GAS6: variants seen among roughly 807,000 people sequenced by gnomAD.
The protein encoded by GAS6 is growth arrest-specific protein 6.
In GAS6, 41 loss-of-function variants were observed where a neutral mutation model predicts 75.8. The ratio of observed to expected loss-of-function variants is 0.54; its 90% confidence interval spans 0.42 to 0.70. The LOEUF is 0.70. Among genes scored for constraint, GAS6 ranks in the 30% least tolerant of loss-of-function variants. The pLI is 0.00. For synonymous variants in GAS6, 432 were observed against 412.6 expected, an observed-to-expected ratio of 1.05 and a Z score of -0.57; for missense variants, 854 against 940.2, an observed-to-expected ratio of 0.91 and a Z score of 1.20.
rs2051490202 is a variant in GAS6, at chr13:113,823,564, G to A, written c.1478-14C>T. ...GAGGGGTCCGCACTGCAATGAAAGC[G>A]GTGCATTATAGGGTGGTATGCACGG... On this transcript the variant is annotated splice_polypyrimidine_tract_variant and intron_variant, in intron 12 of 14. Transcript: ENST00000327773. The A allele has an allele frequency of 4.4e-6, 7 of 1,604,032 alleles. No individual in the cohort carries two copies. The highest frequency in any genetic ancestry group is 2.7e-5 in the African/African-American group (2 of 74,792).
chr13:113,827,282 G>C, intron 11 of GAS6, 118 bp from the exon 12 acceptor site: 1 of 985,868 alleles, frequency 1.0e-6, no homozygotes, highest in Non-Finnish European at 1.5e-6. Flanking sequence ...GGCAGAAACG[G>C]GCCAGTCCCA....
At chr13:113,836,881 GA>G (rs1260254757) in intron 6 of GAS6, among the ~76,000 whole-genome samples, 1 of 115,498 alleles carries the variant, frequency 8.7e-6, no homozygotes, top group Non-Finnish European at 1.9e-5. Flanking sequence ...GGGAGAGGAG[GA>G]GGGGGAGTGG....
At chr13:113,855,260 CAAG>C (rs1411584988) in intron 2 of GAS6, among the ~76,000 whole-genome samples, 1 of 152,144 alleles carries the variant, frequency 6.6e-6, no homozygotes. Context: ...TCAATCCCCC[CAAG>C]AAGATGTGCT....
At chr13:113,834,293 C>T (rs1292625713) in intron 8 of GAS6, among the ~76,000 whole-genome samples, 1 of 152,166 alleles carries the variant, frequency 6.6e-6, no homozygotes, top group African/African-American at 2.4e-5. Flanking sequence ...GGGGACCGTG[C>T]CCCCGTGAGT....
chr13:113,855,764 G>A (rs968509243), intron 2 of GAS6, among the ~76,000 whole-genome samples: 1 of 152,186 alleles, frequency 6.6e-6, no homozygotes, highest in Middle Eastern at 3.2e-3. Context: ...ACCACCAATA[G>A]TCGCCAAGAG....
At position 113,832,634 on chromosome 13, in the gene GAS6, C is replaced by T; in HGVS notation, c.953G>A (p.Arg318Lys). 2 of 1,612,756 alleles carry T rather than the reference C, an allele frequency of 1.2e-6. No individual in the cohort carries two copies. The highest frequency in any genetic ancestry group is 1.7e-6 in the Non-Finnish European group (2 of 1,179,958). ...RLRFKRLQPTRLVAEFDFRTF... is the reference protein window; with the variant it reads ...RLRFKRLQPTKLVAEFDFRTF... ...TTGCCTCCTGTGGACACCTCCTCAC[C>T]TGGTGGGCTGCAGCCTCTTGAAGCG... Residue 318 changes from arginine (R) to lysine (K), a missense_variant and splice_region_variant, in exon 9 of 15, where the codon AGG (arginine) becomes AAG (lysine). Coordinates refer to ENST00000327773, the MANE Select transcript of GAS6 (RefSeq NM_000820.4).
chr13:113,848,010 A>G lies in GAS6; in HGVS notation c.280+16T>C, dbSNP rs1397169987. ...GCCTCTACGACAACCAGAGTAGAGAAGTAATTGAGACTTACCTAAGTATCT... is the reference window on the plus strand; with the variant it reads ...GCCTCTACGACAACCAGAGTAGAGAGGTAATTGAGACTTACCTAAGTATCT... On this transcript the variant is annotated intron_variant, in intron 3 of 14. Transcript: ENST00000327773. This position sits in a 1 kb window ranked among gnomAD's most constrained non-coding sequence, Gnocchi z 4.8. The G allele has an allele frequency of 6.2e-7, 1 of 1,610,890 alleles. No individual in the cohort carries two copies. Among genetic ancestry groups the G allele is most frequent in the Non-Finnish European group, 8.5e-7 (1 of 1,177,978 alleles).
At chr13:113,838,306 G>A (rs1156721308) in intron 5 of GAS6, 115 bp from the exon 6 acceptor site, 1 of 1,291,794 alleles carries the variant, frequency 7.7e-7, no homozygotes, top group Non-Finnish European at 1.1e-6. Flanking sequence ...GAGCCCAGAG[G>A]TGCACAGCCC....
intron 4 of GAS6, chr13:113,842,445 C>T (rs1036296502): frequency 1.2e-4 from 46 of 395,300 alleles, no homozygotes; most frequent in East Asian, 2.1e-4. Context: ...TCAGCACAGC[C>T]GCCAGGAGCC....
At chr13:113,824,937 A>T (rs1479808412) in intron 12 of GAS6, among the ~76,000 whole-genome samples, 1 of 152,208 alleles carries the variant, frequency 6.6e-6, no homozygotes, top group Non-Finnish European at 1.5e-5. Context: ...GGAAGCTCCC[A>T]GTCGGGCGTG....
At chr13:113,826,255 C>G (rs1422036536) in intron 12 of GAS6, among the ~76,000 whole-genome samples, 5 of 152,212 alleles carry the variant, frequency 3.3e-5, no homozygotes, top group Non-Finnish European at 1.5e-5. Flanking sequence ...TTGTAGCTGT[C>G]TCACCGGGTC....
At chr13:113,857,344 C>A (rs1431037011) in intron 2 of GAS6, among the ~76,000 whole-genome samples, 1 of 152,164 alleles carries the variant, frequency 6.6e-6, no homozygotes, top group Non-Finnish European at 1.5e-5. Context: ...ACTTCCAGCT[C>A]CCCTTTAAAA....
intron 6 of GAS6, chr13:113,836,175 G>A: frequency 2.4e-6 from 1 of 420,182 alleles, no homozygotes; most frequent in Non-Finnish European, 2.9e-6. Context: ...CACCAGAGGA[G>A]AGCAAAGGCA....
rs940063778 is a variant in GAS6 at position 113,845,936 on chromosome 13, C to T, written c.343+591G>A. Among the ~76,000 whole-genome samples the T allele has an allele frequency of 2.6e-5, 4 of 152,228 alleles. No homozygotes were observed. The highest frequency in any genetic ancestry group is 4.4e-5 in the Non-Finnish European group (3 of 68,052). ...GCCTCTGCGATTCCATCCTTGGGAACGCATCCCGCAGACACTCAGACGTGT... is the reference window on the plus strand; with the variant it reads ...GCCTCTGCGATTCCATCCTTGGGAATGCATCCCGCAGACACTCAGACGTGT... On this transcript the variant is annotated intron_variant, in intron 4 of 14. Transcript: ENST00000327773. This position sits in a 1 kb window ranked among gnomAD's most constrained non-coding sequence, Gnocchi z 4.3.
At chr13:113,832,601 A>G in intron 9 of GAS6, 33 bp downstream of exon 9, 3 of 1,611,888 alleles carry the variant, frequency 1.9e-6, no homozygotes, top group Middle Eastern at 3.3e-4. Flanking sequence ...TGGCCATTCT[A>G]AGTTGTGTTG....
rs1167517993 is a variant in GAS6, at chr13:113,848,322, C to T, written c.256-272G>A. On this transcript the variant is annotated intron_variant, in intron 2 of 14. Coordinates refer to ENST00000327773, the MANE Select transcript of GAS6 (RefSeq NM_000820.4). The surrounding 1 kb of genome is among the most constrained non-coding windows in gnomAD (Gnocchi z 4.8). ...ACAAGAATGCTTCCAAGTAAAACCCCACTCTTAGTTCCCTGTTGACATAAG... is the reference window on the plus strand; with the variant it reads ...ACAAGAATGCTTCCAAGTAAAACCCTACTCTTAGTTCCCTGTTGACATAAG... Among the ~76,000 whole-genome samples, 1 of 152,184 alleles carries T rather than the reference C, an allele frequency of 6.6e-6. No homozygotes were observed. Among genetic ancestry groups the T allele is most frequent in the East Asian group, 1.9e-4 (1 of 5,194 alleles).
Position 113,848,026 on chromosome 13 carries a change from C to T in GAS6, c.280G>A (p.Asp94Asn). 1 of 1,613,092 alleles carries T rather than the reference C, an allele frequency of 6.2e-7. No individual in the cohort carries two copies. Among genetic ancestry groups the T allele is most frequent in the South Asian group, 1.1e-5 (1 of 90,998 alleles). The change falls in exon 3 of 15, where the codon GAC becomes AAC. Residue 94 changes from aspartate to asparagine, a missense_variant and splice_region_variant. By Grantham distance (23) the Asp-to-Asn change is conservative (BLOSUM62 1). Coordinates refer to ENST00000327773, the MANE Select transcript of GAS6 (RefSeq NM_000820.4). This position sits in a 1 kb window ranked among gnomAD's most constrained non-coding sequence, Gnocchi z 4.8. ...ETDYFYPRYL[D>N]CINKYGSPYT... ...GAGTAGAGAAGTAATTGAGACTTAC[C>T]TAAGTATCTTGGGTAAAAATAATCC...
In GAS6 at chr13:113,833,596, G is replaced by T. The variant is rs542288153; in HGVS notation, c.835-844C>A. Reference sequence around the variant, plus strand: ...GTGTGACAGGTCAGTGTGACAGGTCGGTGTGACAGGCACCGGTGTGACAGG... The same window carrying T: ...GTGTGACAGGTCAGTGTGACAGGTCTGTGTGACAGGCACCGGTGTGACAGG... On this transcript the variant is annotated intron_variant, in intron 8 of 14. Coordinates refer to ENST00000327773, the MANE Select transcript of GAS6 (RefSeq NM_000820.4). 320 of 991,962 alleles carry T rather than the reference G, an allele frequency of 3.2e-4. 1 individual carries two copies. In the African/African-American group the frequency reaches 5.4e-3, roughly 17 times the overall value. 61.4% of individuals were successfully genotyped at this position (991,962 alleles called of 1,614,324 possible).
chr13:113,859,024 CTT>C (rs1470079274), intron 2 of GAS6, among the ~76,000 whole-genome samples: 1 of 145,226 alleles, frequency 6.9e-6, no homozygotes, highest in Non-Finnish European at 1.5e-5. Flanking sequence ...GTATGTGTGC[CTT>C]GTATGTGCAT....
Sources: gnomAD v4.1 joint callset for allele counts (sites outside exome capture counted in the v4.1 genomes callset) on GRCh38, gnomAD v4.1.1 for gene constraint, Gnocchi (gnomAD v3.1) non-coding constraint, MANE v1.5 for transcripts, NCBI Gene and HGNC (gene_info 2026-07-23, HGNC 2026-07-21) for gene names.